The following SH3RF1 variants were observed in gnomAD, a reference collection of about 807,000 sequenced individuals.
SH3RF1 encodes E3 ubiquitin-protein ligase SH3RF1.
In SH3RF1, 32 loss-of-function variants were observed where a neutral mutation model predicts 74.0. The ratio of observed to expected loss-of-function variants is 0.43; its 90% CI spans 0.33 to 0.58. SH3RF1 has a LOEUF of 0.58. Among genes scored for constraint, SH3RF1 ranks in the 20% least tolerant of loss-of-function variants. The pLI is 0.05. For synonymous variants in SH3RF1, 396 were observed against 439.6 expected (o/e 0.90, Z 1.24); for missense variants, 954 against 1,130.9 (o/e 0.84, Z 2.24).
intron 2 of SH3RF1, among the ~76,000 whole-genome samples, chr4:169,221,184 C>G (rs765701820): frequency 2.0e-5 from 3 of 152,168 alleles, no homozygotes; most frequent in Non-Finnish European, 4.4e-5. Context: ...AAAGGCTGAA[C>G]ACAAAACCGC....
chr4:169,159,135 T>C (rs1243152295), intron 2 of SH3RF1, among the ~76,000 whole-genome samples: 1 of 152,210 alleles, frequency 6.6e-6, no homozygotes, highest in Non-Finnish European at 1.5e-5. Flanking sequence ...TAAGCAATTC[T>C]GCTGTGCCCA....
intron 2 of SH3RF1, among the ~76,000 whole-genome samples, chr4:169,204,550 CT>C (rs35188309): frequency 0.44 from 49,509 of 113,632 alleles, 8,239 homozygotes; most frequent in East Asian, 0.7. Flanking sequence ...ATTACCTTCT[CT>C]TTTTTTTTTT....
intron 2 of SH3RF1, among the ~76,000 whole-genome samples, chr4:169,192,958 A>C (rs887070298): frequency 1.4e-4 from 21 of 151,220 alleles, no homozygotes; most frequent in Admixed American, 4.0e-4. Context: ...TCAGCCATAA[A>C]AAGGAATAAA....
intron 2 of SH3RF1, among the ~76,000 whole-genome samples, chr4:169,242,297 T>C (rs573504443): frequency 6.6e-6 from 1 of 152,318 alleles, no homozygotes; most frequent in African/African-American, 2.4e-5. Flanking sequence ...AAAATACCAC[T>C]TATGCAGCGA....
chr4:169,202,440 C>A (rs1341898696), intron 2 of SH3RF1, among the ~76,000 whole-genome samples: 1 of 152,092 alleles, frequency 6.6e-6, no homozygotes, highest in Non-Finnish European at 1.5e-5. Context: ...GAAATGAAGT[C>A]CAGGCTGGGC....
intron 2 of SH3RF1, among the ~76,000 whole-genome samples, chr4:169,159,267 T>C (rs1734114077): frequency 6.6e-6 from 1 of 152,226 alleles, no homozygotes. Context: ...CACAGATGCC[T>C]CATTATATTC....
chr4:169,238,603 TC>T (rs1216733514), intron 2 of SH3RF1, among the ~76,000 whole-genome samples: 1 of 152,330 alleles, frequency 6.6e-6, no homozygotes, highest in Admixed American at 6.5e-5. Flanking sequence ...AGGTCAAGAA[TC>T]AGCTCTGTGC....
chr4:169,171,365 T>C (rs1734324975), intron 2 of SH3RF1, among the ~76,000 whole-genome samples: 1 of 152,188 alleles, frequency 6.6e-6, no homozygotes, highest in Non-Finnish European at 1.5e-5. Context: ...GTTTCTCTTT[T>C]AACACACCCA....
intron 2 of SH3RF1, among the ~76,000 whole-genome samples, chr4:169,222,558 T>G (rs1006174175): frequency 6.6e-6 from 1 of 150,482 alleles, no homozygotes; most frequent in Non-Finnish European, 1.5e-5. Context: ...TTTGACAACT[T>G]CCTAAGAGGA....
rs1180242078 is a variant in SH3RF1, at chr4:169,122,271, T to C, written c.1180-5A>G. 34 of 1,573,880 alleles carry C rather than the reference T, an allele frequency of 2.2e-5. No homozygotes were observed. The highest frequency in any genetic ancestry group is 9.5e-5 in the African/African-American group (7 of 73,908). On this transcript the variant is annotated splice_polypyrimidine_tract_variant and splice_region_variant and intron_variant, in intron 6 of 11. Coordinates refer to ENST00000284637, the MANE Select transcript of SH3RF1 (RefSeq NM_020870.4). Reference sequence around the variant, plus strand: ...TGGAAGAGGAGGATTCAAAGTCTAGTATAGGAAAAACATAAAGAGAAAGGG... The same window carrying C: ...TGGAAGAGGAGGATTCAAAGTCTAGCATAGGAAAAACATAAAGAGAAAGGG...
chr4:169,100,058 G>A (rs1324524340), intron 11 of SH3RF1, among the ~76,000 whole-genome samples: 1 of 152,176 alleles, frequency 6.6e-6, no homozygotes, highest in Non-Finnish European at 1.5e-5. Context: ...TTCAGGCATT[G>A]AAAGGCTTTG....
At chr4:169,142,139 A>G (rs1293830409) in intron 4 of SH3RF1, among the ~76,000 whole-genome samples, 1 of 151,574 alleles carries the variant, frequency 6.6e-6, no homozygotes, top group African/African-American at 2.4e-5. Flanking sequence ...TTTTTTTAGT[A>G]GAGATGGGGT....
At chr4:169,243,470 G>C (rs180760108) in intron 2 of SH3RF1, among the ~76,000 whole-genome samples, 2 of 152,300 alleles carry the variant, frequency 1.3e-5, no homozygotes, top group African/African-American at 4.8e-5. Flanking sequence ...CCAAGATCGT[G>C]CCACTGCACT....
intron 2 of SH3RF1, among the ~76,000 whole-genome samples, chr4:169,243,164 A>G (rs1271168039): frequency 6.6e-6 from 1 of 152,198 alleles, no homozygotes; most frequent in Admixed American, 6.5e-5. Context: ...TGTTATTCTC[A>G]TTACAACTAC....
chr4:169,261,775 G>GT (rs1366109900), intron 2 of SH3RF1, among the ~76,000 whole-genome samples: 1 of 152,126 alleles, frequency 6.6e-6, no homozygotes, highest in East Asian at 1.9e-4. Flanking sequence ...AAAAAACCTT[G>GT]TGACAGTGGT....
intron 6 of SH3RF1, among the ~76,000 whole-genome samples, chr4:169,125,099 G>A (rs1034414085): frequency 6.6e-6 from 1 of 152,150 alleles, no homozygotes; most frequent in African/African-American, 2.4e-5. Flanking sequence ...GTGCTAATGG[G>A]AAATGGTCAT....
At chr4:169,129,966 G>T in intron 6 of SH3RF1, 80 bp downstream of exon 6, 2 of 1,030,942 alleles carry the variant, frequency 1.9e-6, no homozygotes, top group South Asian at 1.4e-5. Context: ...ATACGCTGCA[G>T]GTGTTAGGAG....
At chr4:169,160,413 T>C (rs1408828238) in intron 2 of SH3RF1, among the ~76,000 whole-genome samples, 2 of 152,188 alleles carry the variant, frequency 1.3e-5, no homozygotes, top group African/African-American at 4.8e-5. Context: ...AATAGACCAG[T>C]GGCAAGGAGA....
intron 11 of SH3RF1, among the ~76,000 whole-genome samples, chr4:169,098,433 AATTCCC>A (rs1313980741): frequency 2.0e-5 from 3 of 152,202 alleles, no homozygotes; most frequent in Non-Finnish European, 4.4e-5. Flanking sequence ...CCCTTTCACC[AATTCCC>A]ATTCCATATA....
Sources: gnomAD v4.1 joint callset for allele counts (sites outside exome capture counted in the v4.1 genomes callset) on GRCh38, gnomAD v4.1.1 for gene constraint, MANE v1.5 for transcripts, NCBI Gene and HGNC (gene_info 2026-07-23, HGNC 2026-07-21) for gene names.